SPAG16: variants seen among roughly 807,000 people sequenced by gnomAD.
SPAG16 encodes sperm associated antigen 16, also known as sperm-associated antigen 16 protein.
A neutral mutation model predicts 80.4 loss-of-function variants in SPAG16; 86 were observed. The ratio of observed to expected loss-of-function variants is 1.07; its 90% CI spans 0.90 to 1.28. SPAG16 has a LOEUF of 1.28. SPAG16 is among the 50% of genes most tolerant of loss of function. The pLI is 0.00. For missense variants in SPAG16, 870 were observed against 765.3 expected (o/e 1.14, Z -1.61); for synonymous variants, 294 against 265.9 (o/e 1.11, Z -1.03).
chr2:213,317,814 C>G, intron 5 of SPAG16: 1 of 813,118 alleles, frequency 1.2e-6, no homozygotes, highest in Non-Finnish European at 1.5e-6. Context: ...TATGTAGGTT[C>G]GTCAGTTGTT....
chr2:213,905,095 G>T (rs530602956), intron 11 of SPAG16, among the ~76,000 whole-genome samples: 21 of 152,282 alleles, frequency 1.4e-4, no homozygotes, highest in African/African-American at 4.6e-4. Flanking sequence ...CCACTAACAT[G>T]ATTTTGTGAA....
chr2:214,219,090 C>T (rs190469054), intron 15 of SPAG16, among the ~76,000 whole-genome samples: 97 of 152,082 alleles, frequency 6.4e-4, no homozygotes, highest in Non-Finnish European at 7.6e-4. Context: ...TAATTAAGGA[C>T]CCAAATATTT....
intron 13 of SPAG16, among the ~76,000 whole-genome samples, chr2:214,067,577 AT>A (rs1271159217): frequency 6.6e-6 from 1 of 151,990 alleles, no homozygotes; most frequent in Non-Finnish European, 1.5e-5. Flanking sequence ...TATACTCAAA[AT>A]TTGGGCAAAG....
intron 9 of SPAG16, among the ~76,000 whole-genome samples, chr2:213,459,757 A>G (rs1023536498): frequency 6.6e-6 from 1 of 152,214 alleles, no homozygotes; most frequent in Admixed American, 6.5e-5. Flanking sequence ...TGAATCTATT[A>G]TTCTTCATTA....
intron 9 of SPAG16, among the ~76,000 whole-genome samples, chr2:213,407,637 G>GAGACAGAC (rs1435751730): frequency 6.1e-5 from 6 of 98,808 alleles, no homozygotes; most frequent in African/African-American, 2.2e-4. Context: ...GAGAGAGAGA[G>GAGACAGAC]AGACAGACAG....
In SPAG16 at chr2:214,367,528, A is replaced by T. The variant is rs189940340; in HGVS notation, c.1721-42612A>T. ...TTATGATTTATAGTAAACACCTAAA[A>T]GCGGAAAAGGCTTCTATGATGTGTG... On this transcript the variant is annotated intron_variant, in intron 15 of 15. Transcript: ENST00000331683. 9.2e-5 allele frequency among the ~76,000 whole-genome samples: 14 copies of T among 152,326 alleles called. 1 individual carries two copies. Among genetic ancestry groups the T allele is most frequent in the Admixed American group, 3.3e-4 (5 of 15,292 alleles).
rs751332085 is a variant in SPAG16 at position 213,969,002 on chromosome 2, T to G, written c.1400+38857T>G. On this transcript the variant is annotated intron_variant, in intron 12 of 15. Coordinates refer to ENST00000331683, the MANE Select transcript of SPAG16 (RefSeq NM_024532.5). ...AGATGTACAAGTATTATAGACAGCT[T>G]GCAGAGCTAAGCAAGCATAGAAGAC... Among the ~76,000 whole-genome samples, 63 of 152,152 alleles carry G rather than the reference T, an allele frequency of 4.1e-4. 1 individual carries two copies. Among genetic ancestry groups the G allele is most frequent in the Admixed American group, 6.5e-4 (10 of 15,268 alleles).
chr2:214,250,732 A>C (rs1690198651), intron 15 of SPAG16, among the ~76,000 whole-genome samples: 1 of 67,330 alleles, frequency 1.5e-5, no homozygotes, highest in South Asian at 6.1e-4. Context: ...AGGAGCTTTG[A>C]GATATATATA....
intron 15 of SPAG16, among the ~76,000 whole-genome samples, chr2:214,299,400 C>A (rs1458976003): frequency 1.3e-5 from 2 of 151,692 alleles, no homozygotes; most frequent in South Asian, 4.1e-4. Flanking sequence ...TAGGTGCATG[C>A]CACCATGCCC....
intron 13 of SPAG16, among the ~76,000 whole-genome samples, chr2:214,016,440 C>A (rs1025355477): frequency 6.6e-6 from 1 of 152,142 alleles, no homozygotes; most frequent in Non-Finnish European, 1.5e-5. Flanking sequence ...AGGTCCCTCC[C>A]ATGACATGTG....
intron 10 of SPAG16, among the ~76,000 whole-genome samples, chr2:213,785,882 C>G (rs1378725239): frequency 1.3e-5 from 2 of 151,894 alleles, no homozygotes; most frequent in African/African-American, 4.8e-5. Flanking sequence ...TGGCACTTGC[C>G]TATAGTCCCA....
intron 15 of SPAG16, among the ~76,000 whole-genome samples, chr2:214,375,626 T>C (rs1303926979): frequency 6.6e-6 from 1 of 152,174 alleles, no homozygotes; most frequent in Non-Finnish European, 1.5e-5. Flanking sequence ...TGAACGTATA[T>C]GGTAAAGTTG....
chr2:213,674,048 T>C (rs2063930882), intron 10 of SPAG16, among the ~76,000 whole-genome samples: 1 of 152,268 alleles, frequency 6.6e-6, no homozygotes, highest in East Asian at 1.9e-4. Flanking sequence ...GATACTCATA[T>C]TACTTGAGAA....
At position 214,308,494 on chromosome 2, in the gene SPAG16, A is replaced by C. The variant is rs544851823; in HGVS notation, c.1721-101646A>C. Among the ~76,000 whole-genome samples, 19 of 152,240 alleles carry C rather than the reference A, an allele frequency of 1.2e-4. No homozygotes were observed. The South Asian group carries it at 3.9e-3, about 32-fold the overall frequency. ...GCTTTATAGTGTCACTGGTCTGTGTACTTAAGTGTGTATTTGTAGTGGCTG... is the reference window on the plus strand; with the variant it reads ...GCTTTATAGTGTCACTGGTCTGTGTCCTTAAGTGTGTATTTGTAGTGGCTG... On this transcript the variant is annotated intron_variant, in intron 15 of 15. Transcript: ENST00000331683.
At chr2:213,562,993 G>A (rs192575552) in intron 10 of SPAG16, among the ~76,000 whole-genome samples, 17 of 152,306 alleles carry the variant, frequency 1.1e-4, no homozygotes, top group East Asian at 3.9e-4. Context: ...CACGCTGGGC[G>A]TTAGGATTTC....
chr2:213,363,296 T>C (rs1488981), intron 7 of SPAG16, among the ~76,000 whole-genome samples: 31,220 of 152,034 alleles, frequency 0.21, 4,000 homozygotes, highest in Non-Finnish European at 0.3. Context: ...ATAATTCTTT[T>C]GGCTTCTAGG....
intron 13 of SPAG16, among the ~76,000 whole-genome samples, chr2:214,028,344 A>G (rs989223801): frequency 6.6e-6 from 1 of 152,078 alleles, no homozygotes; most frequent in Non-Finnish European, 1.5e-5. Context: ...CACAGAACTC[A>G]GGATCACTTG....
chr2:213,854,587 A>ACTATGTGT (rs1400977595), intron 10 of SPAG16, among the ~76,000 whole-genome samples: 1 of 152,188 alleles, frequency 6.6e-6, no homozygotes, highest in Non-Finnish European at 1.5e-5. Context: ...CTAAATTTTC[A>ACTATGTGT]CTATGTGTCT....
At chr2:213,639,443 G>A (rs992721016) in intron 10 of SPAG16, among the ~76,000 whole-genome samples, 1 of 152,136 alleles carries the variant, frequency 6.6e-6, no homozygotes, top group African/African-American at 2.4e-5. Context: ...GCTTCGTAGT[G>A]CTGAATTCTC....
Sources: allele counts gnomAD v4.1 joint callset (sites outside exome capture counted in the v4.1 genomes callset), GRCh38; gene constraint gnomAD v4.1.1; transcripts MANE v1.5; gene names NCBI Gene and HGNC (gene_info 2026-07-23, HGNC 2026-07-21).